PRDM15: variants seen among roughly 807,000 people sequenced by gnomAD.
The protein encoded by PRDM15 is PR domain zinc finger protein 15.
A neutral mutation model predicts 128.6 loss-of-function variants in PRDM15; 64 were observed. That is an observed-to-expected ratio of 0.50 (90% CI 0.41 to 0.61). The LOEUF is 0.61. Among genes scored for constraint, PRDM15 ranks in the 20% least tolerant of loss-of-function variants. PRDM15 has a pLI of 0.00. For synonymous variants in PRDM15, 615 were observed against 621.8 expected, an observed-to-expected ratio of 0.99 and a Z score of 0.16; for missense variants, 1,242 against 1,569.1, an observed-to-expected ratio of 0.79 and a Z score of 3.52.
chr21:41,865,429 C>T (rs1046382022), intron 1 of PRDM15, among the ~76,000 whole-genome samples: 2 of 152,194 alleles, frequency 1.3e-5, no homozygotes, highest in Non-Finnish European at 2.9e-5. Context: ...GTGGGATATA[C>T]TTGGACCCTC....
In PRDM15 at chr21:41,859,830, G is replaced by C; in HGVS notation, c.38-145C>G. Reference sequence around the variant, plus strand: ...GCCGACACTGCAAAGACAAGCAAGGGAGGGTGCATTGGATGGCAGAAGGCC... The same window carrying C: ...GCCGACACTGCAAAGACAAGCAAGGCAGGGTGCATTGGATGGCAGAAGGCC... On this transcript the variant is annotated intron_variant, in intron 2 of 23. Transcript: ENST00000398548. This position sits in a 1 kb window ranked among gnomAD's most constrained non-coding sequence, Gnocchi z 5.3. 1.4e-6 allele frequency: 1 copy of C among 710,602 alleles called. No individual in the cohort carries two copies. Among genetic ancestry groups the C allele is most frequent in the Non-Finnish European group, 2.4e-6 (1 of 409,370 alleles). The allele number at this position is 710,602 out of a possible 1,614,324, so 44.0% of individuals were successfully genotyped here. A position where few individuals can be genotyped will look rare whatever the true frequency, so the allele number is the denominator to read the frequency against.
intron 21 of PRDM15, among the ~76,000 whole-genome samples, chr21:41,808,118 T>G (rs1024116826): frequency 6.6e-5 from 10 of 152,186 alleles, no homozygotes; most frequent in African/African-American, 2.2e-4. Flanking sequence ...TACGCGGAAG[T>G]CTAGAAACCC....
In PRDM15 at chr21:41,859,009, G is replaced by A. The variant is rs746520085; in HGVS notation, c.131+583C>T. The A allele has an allele frequency of 2.0e-6, 3 of 1,533,634 alleles. No homozygotes were observed. Among genetic ancestry groups the A allele is most frequent in the East Asian group, 4.9e-5 (2 of 40,732 alleles). ...TACAGAGGCCACCGAGGTCCGGAGA[G>A]GAGTGCCTTGTCCAAGCTCACCTGC... On this transcript the variant is annotated intron_variant, in intron 3 of 23. Coordinates refer to ENST00000398548, the MANE Select transcript of PRDM15 (RefSeq NM_001040424.3). The surrounding 1 kb of genome is among the most constrained non-coding windows in gnomAD (Gnocchi z 5.3).
intron 6 of PRDM15, among the ~76,000 whole-genome samples, chr21:41,843,527 G>C (rs1008269334): frequency 6.6e-6 from 1 of 152,066 alleles, no homozygotes; most frequent in Non-Finnish European, 1.5e-5. Context: ...GTGATGTTTC[G>C]CCAACTTCTG....
At chr21:41,845,627 G>A (rs765307803) in intron 6 of PRDM15, among the ~76,000 whole-genome samples, 9 of 152,054 alleles carry the variant, frequency 5.9e-5, no homozygotes, top group Non-Finnish European at 1.2e-4. Flanking sequence ...AGCCACGGTT[G>A]TACCTCATGG....
rs746281533 is a variant in PRDM15 at position 41,810,724 on chromosome 21, C to G, written c.2476+29G>C. The G allele has an allele frequency of 2.5e-6, 4 of 1,603,850 alleles. No individual in the cohort carries two copies. The East Asian group carries it at 8.9e-5, about 36-fold the overall frequency. On this transcript the variant is annotated intron_variant, in intron 20 of 23. Coordinates refer to ENST00000398548, the MANE Select transcript of PRDM15 (RefSeq NM_001040424.3). This position sits in a 1 kb window ranked among gnomAD's most constrained non-coding sequence, Gnocchi z 6.4. ...CCCCGGCAGCCTGCCGCGTGCGCCC[C>G]GAAGGCTCCTTCAGGCTGCGCCGCT...
chr21:41,803,213 G>T, intron 22 of PRDM15: 1 of 437,656 alleles, frequency 2.3e-6, no homozygotes. Context: ...TTAAGCCACT[G>T]GGTATTTCCA....
Position 41,826,072 on chromosome 21 carries a change from A to C in PRDM15, c.1535-18T>G. 6.2e-7 allele frequency: 1 copy of C among 1,600,216 alleles called. No individual in the cohort carries two copies. The highest frequency in any genetic ancestry group is 8.6e-7 in the Non-Finnish European group (1 of 1,167,534). The stretch of plus-strand genomic sequence containing the variant: ...CCGCACTCCTGAAATTGCCAACCCC[A>C]CCAGCAAGACAGTGAATACACATAG... On this transcript the variant is annotated intron_variant, in intron 12 of 23. Coordinates refer to ENST00000398548, the MANE Select transcript of PRDM15 (RefSeq NM_001040424.3).
rs2062577935 is a variant in PRDM15, at chr21:41,828,981, C to T, written c.1367-648G>A. On this transcript the variant is annotated intron_variant, in intron 11 of 23. Coordinates refer to ENST00000398548, the MANE Select transcript of PRDM15 (RefSeq NM_001040424.3). This position sits in a 1 kb window ranked among gnomAD's most constrained non-coding sequence, Gnocchi z 5.7. ...ACACCACATACACACACCACGCACACATGCCCCACACAAATACACAACCAC... is the reference window on the plus strand; with the variant it reads ...ACACCACATACACACACCACGCACATATGCCCCACACAAATACACAACCAC... Among the ~76,000 whole-genome samples the T allele has an allele frequency of 6.7e-6, 1 of 150,310 alleles. No homozygotes were observed. The highest frequency in any genetic ancestry group is 1.5e-5 in the Non-Finnish European group (1 of 67,592).
chr21:41,804,635 G>A (rs1444899956), intron 21 of PRDM15, 21 bp from the exon 22 acceptor site: 1 of 1,533,796 alleles, frequency 6.5e-7, no homozygotes, highest in East Asian at 2.4e-5. Context: ...CACAGGGCAT[G>A]AGCTGGGGGT....
chr21:41,829,469 CCACA>C (rs2062605704), intron 11 of PRDM15, among the ~76,000 whole-genome samples: 1 of 151,788 alleles, frequency 6.6e-6, no homozygotes, highest in South Asian at 2.1e-4. Context: ...GATGCAAGCC[CCACA>C]CAAATGCACA....
chr21:41,801,615 G>A lies in PRDM15; in HGVS notation c.3051C>T (p.Thr1017=). 6.2e-7 allele frequency: 1 copy of A among 1,614,210 alleles called. No individual in the cohort carries two copies. The highest frequency in any genetic ancestry group is 8.5e-7 in the Non-Finnish European group (1 of 1,180,038). The change falls in exon 24 of 24, where the codon ACC becomes ACT. Residue 1017 remains threonine (T), a synonymous_variant. Coordinates refer to ENST00000398548, the MANE Select transcript of PRDM15 (RefSeq NM_001040424.3). ...PITTAAATQF[T]NLQPVAVGHL... Reference sequence around the variant, plus strand: ...GCCCCACGGCCACCGGCTGGAGATTGGTAAACTGAGTCGCGGCCGCAGTGG... The same window carrying A: ...GCCCCACGGCCACCGGCTGGAGATTAGTAAACTGAGTCGCGGCCGCAGTGG...
At chr21:41,863,968 C>T (rs1242866578) in intron 1 of PRDM15, among the ~76,000 whole-genome samples, 1 of 152,058 alleles carries the variant, frequency 6.6e-6, no homozygotes, top group African/African-American at 2.4e-5. Flanking sequence ...CTCAGCCTCC[C>T]GAGTAGCTGG....
chr21:41,878,823 CG>C (rs910627603), intron 1 of PRDM15: 3 of 1,066,002 alleles, frequency 2.8e-6, no homozygotes, highest in African/African-American at 2.7e-5. Flanking sequence ...CGCCCGGCGG[CG>C]GGGGCCGCGG....
rs139244346 is a variant in PRDM15 at position 41,847,490 on chromosome 21, G to C, written c.539-299C>G. On this transcript the variant is annotated intron_variant, in intron 5 of 23. Coordinates refer to ENST00000398548, the MANE Select transcript of PRDM15 (RefSeq NM_001040424.3). ...ACTCCTCCAAGAAGCCAGTCCAGAGGGACCAGGCTCATCCCTTATATGACT... is the reference window on the plus strand; with the variant it reads ...ACTCCTCCAAGAAGCCAGTCCAGAGCGACCAGGCTCATCCCTTATATGACT... 5.3e-4 allele frequency among the ~76,000 whole-genome samples: 80 copies of C among 152,290 alleles called. 1 individual carries two copies. The East Asian group carries it at 9.1e-3, about 17-fold the overall frequency.
At chr21:41,835,767 T>G (rs1049043779) in intron 10 of PRDM15, among the ~76,000 whole-genome samples, 3 of 132,498 alleles carry the variant, frequency 2.3e-5, no homozygotes, top group Admixed American at 7.6e-5. Flanking sequence ...CTCCTGACTC[T>G]TCCTGCTGCG....
chr21:41,856,106 T>C (rs1181402269), intron 4 of PRDM15, among the ~76,000 whole-genome samples: 1 of 3,800 alleles, frequency 2.6e-4, no homozygotes, highest in Admixed American at 2.4e-3. Flanking sequence ...CCTCCCTTCC[T>C]TTCCTTCCTT....
chr21:41,815,851 C>T lies in PRDM15; in HGVS notation c.2261-15G>A, dbSNP rs141772267. On this transcript the variant is annotated splice_polypyrimidine_tract_variant and intron_variant, in intron 18 of 23. Transcript: ENST00000398548. Reference sequence around the variant, plus strand: ...GGTCTTCATGCCTTCAAGGACACAGCGAGTCAGAGGCGGCCACACCCCCAC... The same window carrying T: ...GGTCTTCATGCCTTCAAGGACACAGTGAGTCAGAGGCGGCCACACCCCCAC... 5,737 of 1,611,644 alleles carry T rather than the reference C, an allele frequency of 3.6e-3. 201 individuals carry two copies. In the Admixed American group the frequency reaches 0.071, roughly 20 times the overall value.
At chr21:41,840,687 A>G (rs1359855027) in intron 6 of PRDM15, among the ~76,000 whole-genome samples, 1 of 152,120 alleles carries the variant, frequency 6.6e-6, no homozygotes, top group Non-Finnish European at 1.5e-5. Context: ...AGACACATAC[A>G]CACAAACTCA....
Sources: allele counts gnomAD v4.1 joint callset (sites outside exome capture counted in the v4.1 genomes callset), GRCh38; gene constraint gnomAD v4.1.1; non-coding constraint Gnocchi (gnomAD v3.1); transcripts MANE v1.5; gene names NCBI Gene and HGNC (gene_info 2026-07-23, HGNC 2026-07-21).